Variants in CADM2 observed in about 807,000 individuals in gnomAD.
CADM2 encodes the protein cell adhesion molecule 2.
In CADM2, 12 loss-of-function variants were observed where a neutral mutation model predicts 49.8. The observed-to-expected ratio is 0.24, with a 90% CI of 0.15 to 0.39. The LOEUF (loss-of-function observed/expected upper bound fraction) is 0.39, where lower values mean the gene tolerates loss of function less well. Among genes scored for constraint, CADM2 ranks in the 10% least tolerant of loss-of-function variants. The pLI is 1.00. For missense variants in CADM2, 378 were observed against 492.3 expected, an observed-to-expected ratio of 0.77 and a Z score of 2.20; for synonymous variants, 214 against 175.4, an observed-to-expected ratio of 1.22 and a Z score of -1.74.
intron 1 of CADM2, among the ~76,000 whole-genome samples, chr3:85,575,743 T>C (rs1396814778): frequency 2.0e-5 from 3 of 152,126 alleles, no homozygotes; most frequent in Admixed American, 6.5e-5. Context: ...GATAGTATGA[T>C]GTCAAACTGT....
intron 1 of CADM2, among the ~76,000 whole-genome samples, chr3:85,196,213 T>C (rs924486710): frequency 6.6e-6 from 1 of 152,044 alleles, no homozygotes; most frequent in Admixed American, 6.6e-5. Flanking sequence ...ATTTTAAACA[T>C]GTTATTATTA....
At chr3:85,374,446 C>G (rs1249878431) in intron 1 of CADM2, among the ~76,000 whole-genome samples, 2 of 152,114 alleles carry the variant, frequency 1.3e-5, no homozygotes, top group Non-Finnish European at 2.9e-5. Flanking sequence ...CCAAACTTTC[C>G]CTTGTCTAGC....
At chr3:86,015,553 T>C (rs185676193) in intron 8 of CADM2, among the ~76,000 whole-genome samples, 1 of 152,326 alleles carries the variant, frequency 6.6e-6, no homozygotes, top group East Asian at 1.9e-4. Flanking sequence ...GTTTTAAGTA[T>C]GTTAAAAATC....
chr3:85,641,950 A>G (rs2064731299), intron 1 of CADM2, among the ~76,000 whole-genome samples: 1 of 152,048 alleles, frequency 6.6e-6, no homozygotes, highest in African/African-American at 2.4e-5. Flanking sequence ...TAAAAAAAAG[A>G]AAGAATGCAG....
chr3:85,914,408 T>C (rs1276697592), intron 6 of CADM2, among the ~76,000 whole-genome samples: 1 of 152,158 alleles, frequency 6.6e-6, no homozygotes, highest in Non-Finnish European at 1.5e-5. Flanking sequence ...ATGTCAATTG[T>C]CTTCCTTTTT....
chr3:85,135,202 A>G (rs1044394663), intron 1 of CADM2, among the ~76,000 whole-genome samples: 17 of 152,024 alleles, frequency 1.1e-4, no homozygotes, highest in African/African-American at 4.1e-4. Context: ...ATCATTTTAC[A>G]AAGCAAAAAA....
intron 1 of CADM2, among the ~76,000 whole-genome samples, chr3:85,271,444 A>T (rs1044656150): frequency 5.3e-5 from 8 of 151,314 alleles, no homozygotes; most frequent in Non-Finnish European, 8.9e-5. Context: ...AGCAATATAC[A>T]TAGTATAATT....
At chr3:85,719,067 C>T (rs1370050951) in intron 1 of CADM2, among the ~76,000 whole-genome samples, 1 of 151,904 alleles carries the variant, frequency 6.6e-6, no homozygotes, top group African/African-American at 2.4e-5. Context: ...TGCCCGCCAC[C>T]ACGCCTGGCT....
chr3:85,396,555 C>T (rs17022755), intron 1 of CADM2, among the ~76,000 whole-genome samples: 383 of 152,010 alleles, frequency 2.5e-3, no homozygotes, highest in South Asian at 0.016. Flanking sequence ...CAAAATTATA[C>T]GCTATGCAGT....
intron 1 of CADM2, among the ~76,000 whole-genome samples, chr3:85,589,138 C>T (rs934023196): frequency 1.3e-5 from 2 of 151,908 alleles, no homozygotes; most frequent in Non-Finnish European, 2.9e-5. Context: ...AGGAGAGACA[C>T]ATGTTTGTGT....
At chr3:85,458,371 G>A (rs961480293) in intron 1 of CADM2, among the ~76,000 whole-genome samples, 16 of 152,136 alleles carry the variant, frequency 1.1e-4, no homozygotes, top group African/African-American at 3.9e-4. Context: ...TTTGAATAAT[G>A]GAAAGTTCTG....
chr3:85,935,483 C>T (rs1721096358), intron 6 of CADM2, among the ~76,000 whole-genome samples: 1 of 152,034 alleles, frequency 6.6e-6, no homozygotes, highest in Admixed American at 6.6e-5. Flanking sequence ...GCTTGATATT[C>T]ATCTCAACCA....
chr3:85,151,310 A>G (rs1349419863), intron 1 of CADM2, among the ~76,000 whole-genome samples: 1 of 152,004 alleles, frequency 6.6e-6, no homozygotes, highest in African/African-American at 2.4e-5. Flanking sequence ...CACCCTTCTG[A>G]ATGATTGTGT....
intron 1 of CADM2, among the ~76,000 whole-genome samples, chr3:85,256,374 G>A (rs565875644): frequency 6.6e-6 from 1 of 152,178 alleles, no homozygotes; most frequent in South Asian, 2.1e-4. Flanking sequence ...AGGATTGAAA[G>A]TCTGCATTTA....
intron 1 of CADM2, among the ~76,000 whole-genome samples, chr3:85,509,955 A>G (rs934914554): frequency 9.9e-5 from 15 of 152,054 alleles, no homozygotes; most frequent in African/African-American, 3.4e-4. Context: ...TAATCATGGT[A>G]ATAATAATTT....
chr3:85,932,625 G>T (rs570958254), intron 6 of CADM2, among the ~76,000 whole-genome samples: 117 of 152,280 alleles, frequency 7.7e-4, no homozygotes, highest in Non-Finnish European at 1.4e-3. Context: ...ATGTGTGGCA[G>T]GGAGGGGGTT....
intron 1 of CADM2, among the ~76,000 whole-genome samples, chr3:85,124,454 A>G (rs879347347): frequency 6.6e-6 from 1 of 151,462 alleles, no homozygotes; most frequent in Admixed American, 6.6e-5. Flanking sequence ...TTTTTTTTTT[A>G]ATTAGCTGGG....
chr3:85,376,833 T>A (rs1356943270), intron 1 of CADM2, among the ~76,000 whole-genome samples: 1 of 152,098 alleles, frequency 6.6e-6, no homozygotes, highest in Non-Finnish European at 1.5e-5. Flanking sequence ...AAGGGAATAT[T>A]TGATTTAACA....
intron 1 of CADM2, among the ~76,000 whole-genome samples, chr3:85,543,420 ATGTGTGTGTGTGTG>A (rs34654299): frequency 7.7e-6 from 1 of 129,582 alleles, no homozygotes; most frequent in South Asian, 2.5e-4. Context: ...TGCCAAGCTA[ATGTGTGTGTGTGTG>A]TGTGTGTGTG....
Sources: gnomAD v4.1 joint callset for allele counts (sites outside exome capture counted in the v4.1 genomes callset) on GRCh38, gnomAD v4.1.1 for gene constraint, MANE v1.5 for transcripts, NCBI Gene and HGNC (gene_info 2026-07-23, HGNC 2026-07-21) for gene names.